Variants in CNTN5 observed in about 807,000 individuals in gnomAD.
CNTN5 encodes contactin-5.
Under a neutral mutation model 129.1 loss-of-function variants are expected in CNTN5, and 77 were observed. That is an observed-to-expected ratio of 0.60 (90% CI 0.50 to 0.72). CNTN5 has a LOEUF of 0.72. Among genes scored for constraint, CNTN5 ranks in the 30% least tolerant of loss-of-function variants. CNTN5 has a pLI of 0.00. For missense variants in CNTN5, 1,478 were observed against 1,328.8 expected, an observed-to-expected ratio of 1.11 and a Z score of -1.75; for synonymous variants, 509 against 465.6, an observed-to-expected ratio of 1.09 and a Z score of -1.20.
intron 3 of CNTN5, among the ~76,000 whole-genome samples, chr11:99,678,196 G>A (rs1451635800): frequency 2.0e-5 from 3 of 151,944 alleles, no homozygotes; most frequent in Non-Finnish European, 2.9e-5. Context: ...AATATTCAGC[G>A]AATTTCTGAA....
At chr11:99,879,316 T>C (rs191345865) in intron 6 of CNTN5, among the ~76,000 whole-genome samples, 1 of 152,140 alleles carries the variant, frequency 6.6e-6, no homozygotes, top group East Asian at 1.9e-4. Flanking sequence ...CCTTAAAAAG[T>C]AGAAAGGGAA....
chr11:99,527,564 C>G (rs75484285), intron 2 of CNTN5, among the ~76,000 whole-genome samples: 2 of 152,066 alleles, frequency 1.3e-5, no homozygotes, highest in Non-Finnish European at 2.9e-5. Context: ...GCAACTTCTC[C>G]CTTTTTCTGC....
At chr11:99,690,281 G>A (rs144802348) in intron 3 of CNTN5, among the ~76,000 whole-genome samples, 1 of 152,128 alleles carries the variant, frequency 6.6e-6, no homozygotes, top group East Asian at 1.9e-4. Flanking sequence ...CTGTTCCATT[G>A]GTCTATGTGC....
rs1952537737 is a variant in CNTN5 at position 100,356,935 on chromosome 11, T to A, written c.*715T>A. On this transcript the variant is annotated 3_prime_UTR_variant, in exon 25 of 25. Coordinates refer to ENST00000524871, the MANE Select transcript of CNTN5 (RefSeq NM_014361.4). The stretch of plus-strand genomic sequence containing the variant: ...TAGTTTTTCATAAAGTACTATGTTA[T>A]CTAGCAGCAAATATAATAAATATTT... The A allele has an allele frequency of 6.6e-6, 1 of 151,748 alleles. No individual in the cohort carries two copies. The highest frequency in any genetic ancestry group is 2.4e-5 in the African/African-American group (1 of 41,406). The allele number at this position is 151,748 out of a possible 1,614,324, so 9.4% of individuals were successfully genotyped here.
intron 15 of CNTN5, among the ~76,000 whole-genome samples, chr11:100,221,370 C>T (rs60335959): frequency 0.022 from 3,284 of 152,248 alleles, 112 homozygotes; most frequent in African/African-American, 0.075. Flanking sequence ...CAAGAGCCAG[C>T]AGACACTTTG....
chr11:100,275,764 C>T (rs1011120750), intron 18 of CNTN5, among the ~76,000 whole-genome samples: 2 of 152,180 alleles, frequency 1.3e-5, no homozygotes, highest in East Asian at 3.9e-4. Flanking sequence ...ATGAAAAATG[C>T]ACGAAGTACT....
At chr11:100,257,770 A>G (rs527270016) in intron 17 of CNTN5, among the ~76,000 whole-genome samples, 1 of 152,330 alleles carries the variant, frequency 6.6e-6, no homozygotes, top group Admixed American at 6.5e-5. Flanking sequence ...GTCCACACAG[A>G]AACCCCATCC....
At chr11:99,170,158 C>G (rs1455426154) in intron 1 of CNTN5, among the ~76,000 whole-genome samples, 1 of 151,838 alleles carries the variant, frequency 6.6e-6, no homozygotes, top group African/African-American at 2.4e-5. Flanking sequence ...GTATATATGG[C>G]TTACGTTTAT....
At position 99,557,065 on chromosome 11, in the gene CNTN5, G is replaced by A. The variant is rs528867691; in HGVS notation, c.55+796G>A. 1.3e-4 allele frequency among the ~76,000 whole-genome samples: 20 copies of A among 151,336 alleles called. No individual in the cohort carries two copies. In the South Asian group the frequency reaches 4.2e-3, roughly 32 times the overall value. ...CTATATTGTGGGCTAAATTTAGGTAGTATGTATGGTAAGAGAGTCTGAAAT... is the reference window on the plus strand; with the variant it reads ...CTATATTGTGGGCTAAATTTAGGTAATATGTATGGTAAGAGAGTCTGAAAT... On this transcript the variant is annotated intron_variant, in intron 3 of 24. Coordinates refer to ENST00000524871, the MANE Select transcript of CNTN5 (RefSeq NM_014361.4).
At chr11:99,961,703 T>C (rs1255352398) in intron 8 of CNTN5, among the ~76,000 whole-genome samples, 1 of 152,216 alleles carries the variant, frequency 6.6e-6, no homozygotes, top group Non-Finnish European at 1.5e-5. Context: ...AAGACTCATC[T>C]CTTAATAATA....
At chr11:99,774,947 T>A (rs1442713561) in intron 3 of CNTN5, among the ~76,000 whole-genome samples, 1 of 152,128 alleles carries the variant, frequency 6.6e-6, no homozygotes, top group African/African-American at 2.4e-5. Flanking sequence ...ATATTTTATT[T>A]GGATCTATTT....
chr11:99,193,609 C>A (rs977662667), intron 1 of CNTN5, among the ~76,000 whole-genome samples: 1 of 152,086 alleles, frequency 6.6e-6, no homozygotes, highest in Non-Finnish European at 1.5e-5. Flanking sequence ...ATAAAAGAGC[C>A]ATAATTTAAA....
chr11:99,218,679 T>C (rs1860250875), intron 1 of CNTN5, among the ~76,000 whole-genome samples: 1 of 152,132 alleles, frequency 6.6e-6, no homozygotes, highest in Admixed American at 6.6e-5. Flanking sequence ...CAAATACCTA[T>C]TTTACTCTTC....
At chr11:99,352,133 C>T (rs34623282) in intron 2 of CNTN5, among the ~76,000 whole-genome samples, 26,675 of 152,158 alleles carry the variant, frequency 0.18, 2,508 homozygotes, top group South Asian at 0.26. Context: ...CAGATTTGTA[C>T]ATGATAGCTG....
At chr11:99,705,450 C>T (rs79845953) in intron 3 of CNTN5, among the ~76,000 whole-genome samples, 1 of 151,304 alleles carries the variant, frequency 6.6e-6, no homozygotes, top group Non-Finnish European at 1.5e-5. Flanking sequence ...TTCACTGATA[C>T]AACTACAGAG....
At chr11:100,080,082 G>A (rs1396685076) in intron 13 of CNTN5, among the ~76,000 whole-genome samples, 1 of 152,042 alleles carries the variant, frequency 6.6e-6, no homozygotes, top group Non-Finnish European at 1.5e-5. Flanking sequence ...TTCCATAAGT[G>A]CATATATAAA....
intron 2 of CNTN5, among the ~76,000 whole-genome samples, chr11:99,476,598 T>C (rs1368549645): frequency 6.6e-6 from 1 of 152,150 alleles, no homozygotes; most frequent in Non-Finnish European, 1.5e-5. Context: ...TAAAGCTAAT[T>C]GGCATATGTA....
intron 1 of CNTN5, among the ~76,000 whole-genome samples, chr11:99,194,961 T>C (rs1385391082): frequency 6.6e-6 from 1 of 152,082 alleles, no homozygotes; most frequent in Non-Finnish European, 1.5e-5. Context: ...AATACAACAG[T>C]TTCACGAACA....
chr11:100,355,253 C>T (rs1952496191), intron 24 of CNTN5, among the ~76,000 whole-genome samples: 1 of 151,418 alleles, frequency 6.6e-6, no homozygotes, highest in Admixed American at 6.6e-5. Flanking sequence ...CACAAACATC[C>T]ACATTAGCAT....
Sources: allele counts gnomAD v4.1 joint callset (sites outside exome capture counted in the v4.1 genomes callset), GRCh38; gene constraint gnomAD v4.1.1; transcripts MANE v1.5; gene names NCBI Gene and HGNC (gene_info 2026-07-23, HGNC 2026-07-21).